Variants in PCDHGB1 observed in about 807,000 individuals in gnomAD.
PCDHGB1 encodes protocadherin gamma-B1.
A neutral mutation model predicts 56.6 loss-of-function variants in PCDHGB1; 34 were observed. The ratio of observed to expected loss-of-function variants is 0.60; its 90% CI spans 0.46 to 0.80. The LOEUF (loss-of-function observed/expected upper bound fraction) is 0.80. Ranked by LOEUF, PCDHGB1 falls within the 30% of genes least tolerant of loss-of-function variation. PCDHGB1 has a pLI of 0.00. For synonymous variants in PCDHGB1, 561 were observed against 505.9 expected (o/e 1.11, Z -1.46); for missense variants, 1,278 against 1,204.6 (o/e 1.06, Z -0.90).
At chr5:141,365,022 C>A in intron 1 of PCDHGB1, 1 of 1,613,864 alleles carries the variant, frequency 6.2e-7, no homozygotes, top group South Asian at 1.1e-5. Flanking sequence ...ATCCGTGTTA[C>A]GGTCCTCGAC....
chr5:141,372,773 T>G (rs1220480316), intron 1 of PCDHGB1: 1 of 1,610,720 alleles, frequency 6.2e-7, no homozygotes, highest in Non-Finnish European at 8.5e-7. Flanking sequence ...GTAATGACAA[T>G]CCAGAAATGC....
intron 1 of PCDHGB1, chr5:141,376,110 G>A (rs772810239): frequency 3.7e-6 from 6 of 1,613,762 alleles, no homozygotes; most frequent in Non-Finnish European, 4.2e-6. Flanking sequence ...GCCGACCTGG[G>A]CAGCCTCGAG....
At position 141,433,358 on chromosome 5, in the gene PCDHGB1, C is replaced by CTATCTAT. The variant is rs2097585632; in HGVS notation, c.2410-61449_2410-61448insTATCTAT. ...ACAGGTGCAAGCCACCTACTGTCTG[C>CTATCTAT]CTATCTATCTATCTATCTATCTATC... On this transcript the variant is annotated intron_variant, in intron 1 of 3. Coordinates refer to ENST00000523390, the MANE Select transcript of PCDHGB1 (RefSeq NM_018922.3). 11 of 503,932 alleles carry CTATCTAT rather than the reference C, an allele frequency of 2.2e-5. No individual in the cohort carries two copies. The African/African-American group carries it at 2.3e-4, about 10-fold the overall frequency. The allele number at this position is 503,932 out of a possible 1,614,324, so 31.2% of individuals were successfully genotyped here.
At chr5:141,435,383 G>C (rs1057246190) in intron 1 of PCDHGB1, among the ~76,000 whole-genome samples, 4 of 151,898 alleles carry the variant, frequency 2.6e-5, no homozygotes, top group Admixed American at 2.0e-4. Flanking sequence ...ACAATATACC[G>C]TATTGCCATG....
chr5:141,365,893 C>G, intron 1 of PCDHGB1: 3 of 1,614,190 alleles, frequency 1.9e-6, no homozygotes, highest in Admixed American at 1.7e-5. Flanking sequence ...GATCCTTCGA[C>G]TATGAGCAGT....
intron 1 of PCDHGB1, among the ~76,000 whole-genome samples, chr5:141,480,796 C>G (rs1007525949): frequency 2.6e-5 from 4 of 152,074 alleles, no homozygotes; most frequent in African/African-American, 7.2e-5. Flanking sequence ...ATTTGAAAAC[C>G]ACAGCTTTGG....
intron 1 of PCDHGB1, chr5:141,441,954 CA>C (rs1240871171): frequency 3.1e-6 from 1 of 319,488 alleles, no homozygotes; most frequent in Non-Finnish European, 6.0e-6. Flanking sequence ...TGCAGGCCAG[CA>C]AGCCCAGGCT....
rs753581561 is a variant in PCDHGB1, at chr5:141,485,195, T to G, written c.2410-9612T>G. 2.2e-5 allele frequency: 36 copies of G among 1,613,912 alleles called. No homozygotes were observed. Among genetic ancestry groups the G allele is most frequent in the Non-Finnish European group, 1.4e-5 (16 of 1,179,906 alleles). ...AGCAATGCTCCGCAAGGTGAGAAGC[T>G]GGACAGAAATCTGGCGGTGGGCTAC... is the stretch of plus-strand genomic sequence containing the variant. On this transcript the variant is annotated intron_variant, in intron 1 of 3. Transcript: ENST00000523390. The surrounding 1 kb of genome is among the most constrained non-coding windows in gnomAD (Gnocchi z 5.7).
chr5:141,351,652 C>T lies in PCDHGB1; in HGVS notation c.1392C>T (p.Gly464=), dbSNP rs778580373. ...ACGTGTCTGAGAACAACCCACCTGG[C>T]GCCTCCATTGCACAAGTAAGCGCCT... ...VVHVSENNPP[G]ASIAQVSASD... Residue 464 remains glycine, a synonymous_variant, in exon 1 of 4, where the codon GGC becomes GGT. Coordinates refer to ENST00000523390, the MANE Select transcript of PCDHGB1 (RefSeq NM_018922.3). The T allele has an allele frequency of 4.3e-6, 7 of 1,614,054 alleles. No individual in the cohort carries two copies. Among genetic ancestry groups the T allele is most frequent in the Non-Finnish European group, 5.9e-6 (7 of 1,179,900 alleles).
At chr5:141,456,057 C>T (rs2098842079) in intron 1 of PCDHGB1, among the ~76,000 whole-genome samples, 1 of 151,914 alleles carries the variant, frequency 6.6e-6, no homozygotes, top group South Asian at 2.1e-4. Context: ...ACCACCACGT[C>T]CGGCTAATTT....
chr5:141,355,808 A>AG lies in PCDHGB1; in HGVS notation c.2409+3141dup, dbSNP rs750575688. On this transcript the variant is annotated intron_variant, in intron 1 of 3. Transcript: ENST00000523390. ...GTGCTGGAACGCGCTCTAGATCGCG[A>AG]GGAAGAGGCGGTTCACCACCTCGTT... The AG allele has an allele frequency of 5.0e-6, 8 of 1,613,360 alleles. No individual in the cohort carries two copies. In the South Asian group the frequency reaches 7.7e-5, roughly 16 times the overall value.
At chr5:141,403,227 G>A (rs2094378929) in intron 1 of PCDHGB1, 4 of 1,608,848 alleles carry the variant, frequency 2.5e-6, no homozygotes, top group African/African-American at 1.3e-5. Flanking sequence ...AGGATAGACC[G>A]GGAGGAGCTC....
At chr5:141,410,688 A>G in intron 1 of PCDHGB1, 1 of 1,519,164 alleles carries the variant, frequency 6.6e-7, no homozygotes, top group South Asian at 1.3e-5. Flanking sequence ...TAGGCATACT[A>G]CTTTATTTTC....
Position 141,431,485 on chromosome 5 carries a change from T to G in PCDHGB1, c.2410-63322T>G. 2 of 1,613,924 alleles carry G rather than the reference T, an allele frequency of 1.2e-6. No individual in the cohort carries two copies. Among genetic ancestry groups the G allele is most frequent in the Non-Finnish European group, 1.7e-6 (2 of 1,179,990 alleles). ...ATGCGAACGACAACGCACCAGCGTTTGCTCAGCCCGAGTACCGCGCGAGCG... is the reference window on the plus strand; with the variant it reads ...ATGCGAACGACAACGCACCAGCGTTGGCTCAGCCCGAGTACCGCGCGAGCG... On this transcript the variant is annotated intron_variant, in intron 1 of 3. Coordinates refer to ENST00000523390, the MANE Select transcript of PCDHGB1 (RefSeq NM_018922.3). This position sits in a 1 kb window ranked among gnomAD's most constrained non-coding sequence, Gnocchi z 4.8.
rs115565444 is a variant in PCDHGB1 at position 141,487,520 on chromosome 5, G to C, written c.2410-7287G>C. 1 of 1,614,166 alleles carries C rather than the reference G, an allele frequency of 6.2e-7. No individual in the cohort carries two copies. Among genetic ancestry groups the C allele is most frequent in the Non-Finnish European group, 8.5e-7 (1 of 1,180,042 alleles). ...CTTGGCTTCTGCACCCACTCGGAGT[G>C]ATAGCTTCATGATGGTGAAGTCACC... On this transcript the variant is annotated intron_variant, in intron 1 of 3. Coordinates refer to ENST00000523390, the MANE Select transcript of PCDHGB1 (RefSeq NM_018922.3). The surrounding 1 kb of genome is among the most constrained non-coding windows in gnomAD (Gnocchi z 5.0).
intron 1 of PCDHGB1, chr5:141,374,690 G>A (rs758543198): frequency 6.2e-7 from 1 of 1,609,720 alleles, no homozygotes; most frequent in Non-Finnish European, 8.5e-7. Flanking sequence ...ACTGGACCGG[G>A]AAGGAGAAGC....
chr5:141,351,096 T>C lies in PCDHGB1; in HGVS notation c.836T>C (p.Leu279Pro). The part of the protein sequence containing the change: ...GINAEITYAF[L>P]NSPISTSLFN... ...AATGCAGAGATCACCTATGCCTTCC[T>C]CAATTCCCCAATAAGTACCAGCCTC... Residue 279 changes from leucine to proline, a missense_variant, in exon 1 of 4, where the codon CTC becomes CCC. Physicochemically the swap from Leu to Pro is moderately conservative, Grantham distance 98. Transcript: ENST00000523390. The C allele has an allele frequency of 6.2e-7, 1 of 1,614,058 alleles. No homozygotes were observed. The highest frequency in any genetic ancestry group is 8.5e-7 in the Non-Finnish European group (1 of 1,179,916).
intron 1 of PCDHGB1, among the ~76,000 whole-genome samples, chr5:141,445,248 T>C (rs1264046214): frequency 6.6e-6 from 1 of 152,224 alleles, no homozygotes; most frequent in African/African-American, 2.4e-5. Flanking sequence ...CACTATATTG[T>C]GTGAGAATAT....
At chr5:141,402,434 A>C (rs2150931474) in intron 1 of PCDHGB1, among the ~76,000 whole-genome samples, 1 of 152,272 alleles carries the variant, frequency 6.6e-6, no homozygotes, top group East Asian at 1.9e-4. Flanking sequence ...AAGCATCATA[A>C]AAAGGAAATT....
Sources: allele counts gnomAD v4.1 joint callset (sites outside exome capture counted in the v4.1 genomes callset), GRCh38; gene constraint gnomAD v4.1.1; non-coding constraint Gnocchi (gnomAD v3.1); transcripts MANE v1.5; gene names NCBI Gene and HGNC (gene_info 2026-07-23, HGNC 2026-07-21).